The following UGT2B15 variants were observed in gnomAD, a reference collection of about 807,000 sequenced individuals.
UGT2B15 encodes the protein UDP-glucuronosyltransferase 2B15.
In UGT2B15, 36 loss-of-function variants were observed where a neutral mutation model predicts 45.9. That is an observed-to-expected ratio of 0.78 (90% CI 0.60 to 1.04). The LOEUF (loss-of-function observed/expected upper bound fraction) is 1.04, where lower values mean the gene tolerates loss of function less well. Ranked by LOEUF, UGT2B15 falls within the 50% of genes least tolerant of loss-of-function variation. The pLI is 0.00. For missense variants in UGT2B15, 617 were observed against 622.4 expected (o/e 0.99, Z 0.09); for synonymous variants, 219 against 216.4 (o/e 1.01, Z -0.11).
intron 3 of UGT2B15, among the ~76,000 whole-genome samples, chr4:68,659,645 C>T (rs1732905247): frequency 6.6e-6 from 1 of 151,934 alleles, no homozygotes; most frequent in Non-Finnish European, 1.5e-5. Flanking sequence ...TGAGTCTGCC[C>T]TAAAACTTTT....
chr4:68,647,948 C>T (rs1237513238), intron 5 of UGT2B15, among the ~76,000 whole-genome samples: 1 of 151,952 alleles, frequency 6.6e-6, no homozygotes, highest in African/African-American at 2.4e-5. Flanking sequence ...TCTGGAACTC[C>T]TGTAGTCAAG....
chr4:68,657,670 T>TA (rs1732848078), intron 3 of UGT2B15, among the ~76,000 whole-genome samples: 1 of 152,090 alleles, frequency 6.6e-6, no homozygotes. Context: ...TTAAGAACCC[T>TA]AGGTTGTCCT....
At chr4:68,649,717 T>C (rs1353835418) in intron 5 of UGT2B15, among the ~76,000 whole-genome samples, 2 of 152,168 alleles carry the variant, frequency 1.3e-5, no homozygotes, top group African/African-American at 4.8e-5. Flanking sequence ...TACATTTAAT[T>C]GTGTACTTCA....
chr4:68,666,170 G>A (rs1437937079), intron 2 of UGT2B15, among the ~76,000 whole-genome samples: 1 of 152,048 alleles, frequency 6.6e-6, no homozygotes. Flanking sequence ...TACCTTTTAA[G>A]CTAGAATATT....
At chr4:68,665,222 A>G (rs973639533) in intron 2 of UGT2B15, among the ~76,000 whole-genome samples, 8 of 152,136 alleles carry the variant, frequency 5.3e-5, no homozygotes, top group African/African-American at 1.7e-4. Flanking sequence ...GTTTAATTCT[A>G]TTTATATAAC....
intron 3 of UGT2B15, among the ~76,000 whole-genome samples, chr4:68,658,786 CAT>C (rs1211532210): frequency 1.3e-5 from 2 of 151,984 alleles, no homozygotes; most frequent in South Asian, 2.1e-4. Flanking sequence ...ATTTTCAACT[CAT>C]ATAAGTTTTT....
chr4:68,655,632 A>G (rs1460358456), intron 3 of UGT2B15, among the ~76,000 whole-genome samples: 1 of 152,018 alleles, frequency 6.6e-6, no homozygotes, highest in Non-Finnish European at 1.5e-5. Context: ...TCTCTCATCT[A>G]CCTATGACCT....
chr4:68,664,971 C>G (rs186313299), intron 2 of UGT2B15, among the ~76,000 whole-genome samples: 1 of 152,126 alleles, frequency 6.6e-6, no homozygotes, highest in South Asian at 2.1e-4. Context: ...TTTAATGTAA[C>G]TTGAGTTCAA....
At chr4:68,649,944 T>C (rs544646234) in intron 5 of UGT2B15, among the ~76,000 whole-genome samples, 3 of 151,870 alleles carry the variant, frequency 2.0e-5, no homozygotes, top group South Asian at 4.2e-4. Context: ...GTGATTCTCC[T>C]GCCTCAACCT....
At position 68,647,300 on chromosome 4, in the gene UGT2B15, T is replaced by G. The variant is rs1248413950; in HGVS notation, c.1397A>C (p.Glu466Ala). ...KPLDRAVFWIEFVMRHKGAKH... is the reference protein window; with the variant it reads ...KPLDRAVFWIAFVMRHKGAKH... The stretch of plus-strand genomic sequence containing the variant: ...GGCTCCTTTGTGGCGCATGACAAAC[T>G]CAATCCAGAAGACTGCTCGATCCAG... The change falls in exon 6 of 6, where the codon GAG becomes GCG. Residue 466 changes from glutamate (E) to alanine (A), a missense_variant. By Grantham distance (107) the Glu-to-Ala change is moderately radical. Transcript: ENST00000338206. 3 of 1,613,910 alleles carry G rather than the reference T, an allele frequency of 1.9e-6. No individual in the cohort carries two copies. The highest frequency in any genetic ancestry group is 1.3e-5 in the African/African-American group (1 of 75,000).
In UGT2B15 at chr4:68,668,545, C is replaced by T. The variant is rs981874156; in HGVS notation, c.725-357G>A. 1.1e-4 allele frequency among the ~76,000 whole-genome samples: 16 copies of T among 151,200 alleles called. 1 individual carries two copies. The highest frequency in any genetic ancestry group is 3.9e-4 in the African/African-American group (16 of 41,156). On this transcript the variant is annotated intron_variant, in intron 1 of 5. Coordinates refer to ENST00000338206, the MANE Select transcript of UGT2B15 (RefSeq NM_001076.4). ...TCTCCTCTCATCTTGAATTATAATC[C>T]CCATAATCCCCATGTGTCCAGGGAG...
At chr4:68,669,151 T>G (rs1042299791) in intron 1 of UGT2B15, among the ~76,000 whole-genome samples, 1 of 152,178 alleles carries the variant, frequency 6.6e-6, no homozygotes. Context: ...ATTTTTAAAA[T>G]AAATATATTT....
intron 2 of UGT2B15, among the ~76,000 whole-genome samples, chr4:68,666,499 T>TC: frequency 6.6e-6 from 1 of 152,192 alleles, no homozygotes; most frequent in East Asian, 1.9e-4. Context: ...CTACTTTTTT[T>TC]CCACACAGCA....
Position 68,654,040 on chromosome 4 carries a change from G to C in UGT2B15, c.1310C>G (p.Pro437Arg), listed in dbSNP as rs1386805434. The C allele has an allele frequency of 6.2e-7, 1 of 1,612,444 alleles. No homozygotes were observed. The highest frequency in any genetic ancestry group is 8.5e-7 in the Non-Finnish European group (1 of 1,178,984). Residue 437 changes from proline (P) to arginine (R), a missense_variant, in exon 5 of 6, where the codon CCT becomes CGT. Pro to Arg is a moderately radical substitution (Grantham distance 103). This residue lies in a region of UGT2B15 where 265 missense variants were observed against 245.1 expected (regional missense o/e 1.08). Transcript: ENST00000338206. ...LNALKSVIND[P>R]VYKENVMKLS... is the part of the protein sequence containing the mutation. ...GTCACAAAACTGTAATACTCACACA[G>C]GGTCATTAATGACTGACTTCAATGC...
At chr4:68,658,186 C>T (rs1732865935) in intron 3 of UGT2B15, among the ~76,000 whole-genome samples, 1 of 151,850 alleles carries the variant, frequency 6.6e-6, no homozygotes, top group African/African-American at 2.4e-5. Context: ...CTTCTATTGG[C>T]ATGCTTAATG....
intron 5 of UGT2B15, among the ~76,000 whole-genome samples, chr4:68,649,119 CAG>C (rs979431293): frequency 3.0e-4 from 46 of 151,596 alleles, no homozygotes; most frequent in African/African-American, 9.5e-4. Flanking sequence ...TTTAAAGAAT[CAG>C]ATTGTTTTCA....
rs1228717387 is a variant in UGT2B15, at chr4:68,668,096, G to A, written c.817C>T (p.Pro273Ser). 3.1e-6 allele frequency: 5 copies of A among 1,613,966 alleles called. No individual in the cohort carries two copies. The South Asian group carries it at 4.4e-5, about 14-fold the overall frequency. Residue 273 changes from proline to serine, a missense_variant, in exon 2 of 6, where the codon CCA becomes TCA. Physicochemically the swap from Pro to Ser is moderately conservative, Grantham distance 74. This residue lies in a region of UGT2B15 where 351 missense variants were observed against 342.1 expected (regional missense o/e 1.03). Transcript: ENST00000338206. ...WDFEFPRPFL[P>S]NVDFVGGLHC... ...AGTCCTCCAACAAAATCAACATTTG[G>A]TAAGAATGGGCGAGGAAATTCAAAA...
Position 68,670,207 on chromosome 4 carries a change from TAA to T in UGT2B15, c.410_411del (p.Leu137HisfsTer10). 6.2e-7 allele frequency: 1 copy of T among 1,614,072 alleles called. No homozygotes were observed. The highest frequency in any genetic ancestry group is 2.2e-5 in the East Asian group (1 of 44,874). ...AACTTTGACTCTTGTAGTTTCATCA[TAA>T]GTTTCTTATTCAAAACTGCATCTTT... ...LCKDAVLNKK[L>X]MMKLQESKFD... is the part of the protein sequence containing the mutation. On this transcript the variant is annotated frameshift_variant, in exon 1 of 6. Coordinates refer to ENST00000338206, the MANE Select transcript of UGT2B15 (RefSeq NM_001076.4). LOFTEE classifies it high-confidence loss of function.
chr4:68,649,889 G>A (rs1280471689), intron 5 of UGT2B15, among the ~76,000 whole-genome samples: 1 of 151,446 alleles, frequency 6.6e-6, no homozygotes, highest in Non-Finnish European at 1.5e-5. Flanking sequence ...CAGGAGTTCA[G>A]TGGCACTATC....
Sources: allele counts gnomAD v4.1 joint callset (sites outside exome capture counted in the v4.1 genomes callset), GRCh38; gene constraint gnomAD v4.1.1; regional missense constraint gnomAD v4.1.1; transcripts MANE v1.5; gene names NCBI Gene and HGNC (gene_info 2026-07-23, HGNC 2026-07-21).